The following FBXO47 variants were observed in gnomAD, a reference collection of about 807,000 sequenced individuals.
FBXO47 encodes F-box only protein 47.
FBXO47 carries 34 observed loss-of-function variants against 53.9 expected under a neutral mutation model. The observed-to-expected ratio is 0.63, with a 90% confidence interval of 0.48 to 0.84. The LOEUF (loss-of-function observed/expected upper bound fraction) is 0.84. FBXO47 is among the 40% of genes least tolerant of loss of function. The pLI, the probability that FBXO47 is intolerant of heterozygous loss-of-function variation, is 0.00. For synonymous variants in FBXO47, 165 were observed against 181.6 expected (o/e 0.91, Z 0.73); for missense variants, 485 against 541.3 (o/e 0.90, Z 1.03).
intron 3 of FBXO47, among the ~76,000 whole-genome samples, chr17:38,960,609 G>A (rs1043934233): frequency 6.7e-6 from 1 of 149,918 alleles, no homozygotes; most frequent in African/African-American, 2.4e-5. Flanking sequence ...AACTAACGAT[G>A]AATTAAAAAT....
At chr17:38,962,127 T>C (rs985609679) in intron 2 of FBXO47, 80 bp from the exon 3 acceptor site, 11 of 1,126,420 alleles carry the variant, frequency 9.8e-6, no homozygotes, top group East Asian at 2.4e-5. Context: ...TATTAACTTA[T>C]AGGTTAACTC....
chr17:38,960,026 T>G (rs1255536458), intron 3 of FBXO47, among the ~76,000 whole-genome samples: 1 of 151,772 alleles, frequency 6.6e-6, no homozygotes, highest in Non-Finnish European at 1.5e-5. Context: ...AGGCTGGTCT[T>G]GAACTCCTGG....
intron 3 of FBXO47, among the ~76,000 whole-genome samples, chr17:38,960,016 A>C (rs1036990898): frequency 6.6e-6 from 1 of 151,996 alleles, no homozygotes; most frequent in African/African-American, 2.4e-5. Context: ...TATGTTACCC[A>C]GGCTGGTCTT....
chr17:38,955,114 G>A (rs1165865403), intron 4 of FBXO47, among the ~76,000 whole-genome samples, 181 bp from the exon 5 acceptor site: 15 of 152,258 alleles, frequency 9.9e-5, no homozygotes, highest in Admixed American at 4.6e-4. Context: ...TCGGCTGCGC[G>A]CGGTGGCTCA....
In FBXO47 at chr17:38,937,049, G is replaced by A; in HGVS notation, c.*126C>T. ...GTAGTTGCTTCTAAAATTCTATCCA[G>A]CTTTTGAATTCTTAGGTTACTTAGA... is the stretch of plus-strand genomic sequence containing the variant. On this transcript the variant is annotated 3_prime_UTR_variant, in exon 11 of 11. Transcript: ENST00000378079. 1 of 454,628 alleles carries A rather than the reference G, an allele frequency of 2.2e-6. No homozygotes were observed. The highest frequency in any genetic ancestry group is 3.5e-5 in the East Asian group (1 of 28,948). 28.2% of individuals were successfully genotyped at this position (454,628 alleles called of 1,614,324 possible).
chr17:38,953,125 CCACACACACACACACA>C lies in FBXO47; in HGVS notation c.508-1452_508-1437del, dbSNP rs768926649. 3.4e-5 allele frequency among the ~76,000 whole-genome samples: 4 copies of C among 117,882 alleles called. No homozygotes were observed. The East Asian group carries it at 7.7e-4, about 23-fold the overall frequency. 77.3% of individuals were successfully genotyped at this position (117,882 alleles called of 152,430 possible). On this transcript the variant is annotated intron_variant, in intron 5 of 10. Coordinates refer to ENST00000378079, the MANE Select transcript of FBXO47 (RefSeq NM_001008777.3). The stretch of plus-strand genomic sequence containing the variant: ...AACCCTGTCTCTACTAAAAAAAAAA[CCACACACACACACACA>C]CACACACACACACACACACACACAC...
intron 10 of FBXO47, among the ~76,000 whole-genome samples, chr17:38,938,314 T>C (rs1010818972): frequency 4.6e-5 from 7 of 152,216 alleles, no homozygotes; most frequent in Non-Finnish European, 8.8e-5. Flanking sequence ...AAGCAGACTC[T>C]TCAACTTTAT....
rs749324236 is a variant in FBXO47 at position 38,962,987 on chromosome 17, G to A, written c.39C>T (p.Pro13=). The A allele has an allele frequency of 6.2e-7, 1 of 1,611,338 alleles. No individual in the cohort carries two copies. The highest frequency in any genetic ancestry group is 8.5e-7 in the Non-Finnish European group (1 of 1,178,236). Reference sequence around the variant, plus strand: ...GATTACTACGTCTAAGTTTCTGGTTGGGAATCAAAGTGAAATTTGTATTTA... The same window carrying A: ...GATTACTACGTCTAAGTTTCTGGTTAGGAATCAAAGTGAAATTTGTATTTA... ...SRINTNFTLI[P]NQKLRRSNRQ... Residue 13 remains proline, a synonymous_variant, in exon 2 of 11, where the codon CCC becomes CCT. Coordinates refer to ENST00000378079, the MANE Select transcript of FBXO47 (RefSeq NM_001008777.3).
intron 6 of FBXO47, among the ~76,000 whole-genome samples, chr17:38,946,211 TACAA>T (rs1904788605): frequency 9.0e-6 from 1 of 110,814 alleles, no homozygotes; most frequent in African/African-American, 3.7e-5. Flanking sequence ...TATAAATATA[TACAA>T]AAATATATAT....
At chr17:38,947,061 A>AAAC (rs1318882912) in intron 6 of FBXO47, among the ~76,000 whole-genome samples, 1 of 136,602 alleles carries the variant, frequency 7.3e-6, no homozygotes, top group Non-Finnish European at 1.5e-5. Context: ...AACATATATA[A>AAAC]ATATATATAA....
chr17:38,962,217 A>G (rs1370375596), intron 2 of FBXO47, among the ~76,000 whole-genome samples, 170 bp from the exon 3 acceptor site: 1 of 152,234 alleles, frequency 6.6e-6, no homozygotes, highest in Non-Finnish European at 1.5e-5. Flanking sequence ...CTGGTTCTCA[A>G]TGAATTAGAG....
chr17:38,938,032 G>A (rs966820581), intron 10 of FBXO47, among the ~76,000 whole-genome samples: 1 of 152,106 alleles, frequency 6.6e-6, no homozygotes, highest in Non-Finnish European at 1.5e-5. Context: ...GTTAACTACT[G>A]AAATCATGGA....
intron 5 of FBXO47, among the ~76,000 whole-genome samples, chr17:38,952,049 G>A (rs531869062): frequency 2.0e-5 from 3 of 150,368 alleles, no homozygotes; most frequent in South Asian, 2.1e-4. Flanking sequence ...AAAACAGGCC[G>A]GGTGCGGTGG....
At position 38,942,828 on chromosome 17, in the gene FBXO47, C is replaced by G. The variant is rs766495981; in HGVS notation, c.1033G>C (p.Val345Leu). ...ICFSFMASKA[V>L]NGRTIELARL... ...GCCAGTTCAATGGTGCGTCCATTCA[C>G]AGCTTTACTAGCCATGAAACTGAAA... Residue 345 changes from valine (V) to leucine (L), a missense_variant, in exon 9 of 11, where the codon GTG becomes CTG. Val to Leu is a conservative substitution (Grantham distance 32). Transcript: ENST00000378079. The G allele has an allele frequency of 1.5e-5, 25 of 1,613,772 alleles. No homozygotes were observed. Among genetic ancestry groups the G allele is most frequent in the Non-Finnish European group, 2.0e-5 (24 of 1,179,900 alleles).
intron 3 of FBXO47, among the ~76,000 whole-genome samples, chr17:38,960,574 GT>G (rs1905771644): frequency 1.3e-5 from 2 of 150,552 alleles, no homozygotes; most frequent in South Asian, 4.2e-4. Flanking sequence ...GCTCCACTGT[GT>G]TACCCAGGTA....
chr17:38,937,718 AGTGCAG>A (rs1349522807), intron 10 of FBXO47, among the ~76,000 whole-genome samples: 2 of 151,722 alleles, frequency 1.3e-5, no homozygotes, highest in African/African-American at 4.8e-5. Context: ...CCCAGGCTGG[AGTGCAG>A]TGGCACAATC....
chr17:38,946,222 A>G (rs1239043413), intron 6 of FBXO47, among the ~76,000 whole-genome samples: 1 of 112,618 alleles, frequency 8.9e-6, no homozygotes, highest in Non-Finnish European at 1.6e-5. Context: ...ACAAAAATAT[A>G]TATAAATATA....
intron 3 of FBXO47, among the ~76,000 whole-genome samples, chr17:38,960,273 A>C (rs561063175): frequency 6.6e-6 from 1 of 152,064 alleles, no homozygotes; most frequent in Non-Finnish European, 1.5e-5. Context: ...TCTCAAAAAA[A>C]AAAATAGTGA....
chr17:38,942,849 T>C lies in FBXO47; in HGVS notation c.1012A>G (p.Ser338Gly), dbSNP rs766666327. The change falls in exon 9 of 11, where the codon AGT becomes GGT. Residue 338 changes from serine (S) to glycine (G), a missense_variant. By Grantham distance (56) the Ser-to-Gly change is moderately conservative. Transcript: ENST00000378079. ...TTCACAGCTTTACTAGCCATGAAAC[T>C]GAAACAGATGTTGTTTCCACTTAGC... The part of the protein sequence containing the change: ...LMLSGNNICF[S>G]FMASKAVNGR... 1 of 1,613,846 alleles carries C rather than the reference T, an allele frequency of 6.2e-7. No individual in the cohort carries two copies. Among genetic ancestry groups the C allele is most frequent in the South Asian group, 1.1e-5 (1 of 91,078 alleles).
Sources: gnomAD v4.1 joint callset for allele counts (sites outside exome capture counted in the v4.1 genomes callset) on GRCh38, gnomAD v4.1.1 for gene constraint, MANE v1.5 for transcripts, NCBI Gene and HGNC (gene_info 2026-07-23, HGNC 2026-07-21) for gene names.